The following LRRTM4 variants were observed in gnomAD, a reference collection of about 807,000 sequenced individuals.
LRRTM4 encodes the protein leucine rich repeat transmembrane neuronal 4, also known as leucine-rich repeat transmembrane neuronal protein 4.
Under a neutral mutation model 47.6 loss-of-function variants are expected in LRRTM4, and 25 were observed. The observed-to-expected ratio is 0.53, with a 90% CI of 0.38 to 0.73. The LOEUF (loss-of-function observed/expected upper bound fraction) is 0.73, where lower values mean the gene tolerates loss of function less well. LRRTM4 is among the 30% of genes least tolerant of loss of function. LRRTM4 has a pLI of 0.00. For synonymous variants in LRRTM4, 311 were observed against 269.5 expected, an observed-to-expected ratio of 1.15 and a Z score of -1.51; for missense variants, 638 against 713.4, an observed-to-expected ratio of 0.89 and a Z score of 1.20.
chr2:76,775,711 C>G (rs1482982560), intron 3 of LRRTM4, among the ~76,000 whole-genome samples: 7 of 151,870 alleles, frequency 4.6e-5, no homozygotes, highest in Non-Finnish European at 1.0e-4. Flanking sequence ...TTAGCCTATC[C>G]CTTCCTATGT....
At chr2:76,839,443 A>G (rs1410377493) in intron 3 of LRRTM4, among the ~76,000 whole-genome samples, 1 of 152,144 alleles carries the variant, frequency 6.6e-6, no homozygotes, top group African/African-American at 2.4e-5. Context: ...TCAATGCATT[A>G]CTTTTGCTAT....
At chr2:77,202,051 G>T (rs1447909760) in intron 3 of LRRTM4, among the ~76,000 whole-genome samples, 3 of 152,110 alleles carry the variant, frequency 2.0e-5, no homozygotes, top group Non-Finnish European at 4.4e-5. Flanking sequence ...CATTGTGCAG[G>T]TGCTCTCTGA....
intron 3 of LRRTM4, among the ~76,000 whole-genome samples, chr2:77,399,880 T>C (rs187107317): frequency 6.6e-6 from 1 of 151,986 alleles, no homozygotes; most frequent in East Asian, 1.9e-4. Flanking sequence ...CTTCGTTCAC[T>C]TAGAAGCAGT....
intron 3 of LRRTM4, among the ~76,000 whole-genome samples, chr2:77,122,689 A>T (rs887896695): frequency 6.6e-6 from 1 of 151,586 alleles, no homozygotes; most frequent in Non-Finnish European, 1.5e-5. Flanking sequence ...TTCACCATAA[A>T]TTTTTTTCCT....
At chr2:77,285,340 T>TATATATATATATATATATATATA (rs1676621332) in intron 3 of LRRTM4, among the ~76,000 whole-genome samples, 12 of 82,610 alleles carry the variant, frequency 1.5e-4, no homozygotes, top group Non-Finnish European at 2.1e-4. Context: ...AGCATTAAAT[T>TATATATATATATATATATATATA]TATATATATA....
chr2:76,970,452 G>A (rs1004288297), intron 3 of LRRTM4, among the ~76,000 whole-genome samples: 4 of 151,950 alleles, frequency 2.6e-5, no homozygotes, highest in African/African-American at 7.2e-5. Context: ...GTATTGATTC[G>A]TGTCCTTACT....
intron 3 of LRRTM4, among the ~76,000 whole-genome samples, chr2:77,389,291 T>A (rs1673410290): frequency 6.6e-6 from 1 of 152,076 alleles, no homozygotes; most frequent in African/African-American, 2.4e-5. Context: ...TGATTTTGTT[T>A]CAAAAAGAAA....
At chr2:77,213,982 C>G (rs533617827) in intron 3 of LRRTM4, among the ~76,000 whole-genome samples, 2 of 151,948 alleles carry the variant, frequency 1.3e-5, no homozygotes, top group South Asian at 4.2e-4. Flanking sequence ...AAAAAAAACA[C>G]TGTATCCTGA....
At chr2:76,885,410 T>C (rs1039548398) in intron 3 of LRRTM4, among the ~76,000 whole-genome samples, 1 of 151,670 alleles carries the variant, frequency 6.6e-6, no homozygotes, top group Non-Finnish European at 1.5e-5. Context: ...CCAAAATATA[T>C]GCAGGATTTG....
chr2:77,040,786 GTTTTA>G (rs1430941654), intron 3 of LRRTM4, among the ~76,000 whole-genome samples: 4 of 151,200 alleles, frequency 2.6e-5, no homozygotes, highest in Admixed American at 6.7e-5. Context: ...TCCATTTTAA[GTTTTA>G]TTTTGTTTTT....
intron 3 of LRRTM4, among the ~76,000 whole-genome samples, chr2:77,045,851 C>A (rs1679217139): frequency 6.6e-6 from 1 of 151,804 alleles, no homozygotes; most frequent in Non-Finnish European, 1.5e-5. Flanking sequence ...CATCTGATAT[C>A]CAGCCCATAA....
intron 3 of LRRTM4, among the ~76,000 whole-genome samples, chr2:76,997,045 G>T: frequency 6.6e-6 from 1 of 152,220 alleles, no homozygotes; most frequent in Non-Finnish European, 1.5e-5. Flanking sequence ...AAGTGATTTT[G>T]AGTATTTATG....
At chr2:77,097,702 T>C (rs554104782) in intron 3 of LRRTM4, among the ~76,000 whole-genome samples, 2 of 152,160 alleles carry the variant, frequency 1.3e-5, no homozygotes, top group South Asian at 2.1e-4. Flanking sequence ...AACTAAATTG[T>C]TAAAATCTGA....
chr2:77,063,001 C>A (rs1679839938), intron 3 of LRRTM4, among the ~76,000 whole-genome samples: 1 of 143,794 alleles, frequency 7.0e-6, no homozygotes, highest in African/African-American at 2.6e-5. Context: ...GTCGCCCAGG[C>A]TGGAGTGCAG....
intron 3 of LRRTM4, among the ~76,000 whole-genome samples, chr2:77,023,382 C>T (rs1678342304): frequency 6.6e-6 from 1 of 152,210 alleles, no homozygotes; most frequent in Non-Finnish European, 1.5e-5. Context: ...AACTAACATT[C>T]AGCACTGTGT....
chr2:77,248,919 T>C (rs1290532239), intron 3 of LRRTM4, among the ~76,000 whole-genome samples: 1 of 151,788 alleles, frequency 6.6e-6, no homozygotes, highest in East Asian at 1.9e-4. Flanking sequence ...AACCCAAATA[T>C]AAAAGAAAAA....
chr2:77,403,603 T>A (rs1674050782), intron 3 of LRRTM4, among the ~76,000 whole-genome samples: 1 of 151,916 alleles, frequency 6.6e-6, no homozygotes, highest in African/African-American at 2.4e-5. Context: ...AATAAATATT[T>A]AATGAATGTT....
chr2:77,123,461 T>C (rs1671572001), intron 3 of LRRTM4, among the ~76,000 whole-genome samples: 1 of 152,078 alleles, frequency 6.6e-6, no homozygotes, highest in Admixed American at 6.6e-5. Context: ...CCCATGTTTA[T>C]GTATTCAACT....
At chr2:76,955,617 T>C (rs994375985) in intron 3 of LRRTM4, among the ~76,000 whole-genome samples, 1 of 151,780 alleles carries the variant, frequency 6.6e-6, no homozygotes, top group African/African-American at 2.4e-5. Context: ...CAATTCCCAA[T>C]ACGATGCTAT....
Sources: gnomAD v4.1 joint callset for allele counts (sites outside exome capture counted in the v4.1 genomes callset) on GRCh38, gnomAD v4.1.1 for gene constraint, MANE v1.5 for transcripts, NCBI Gene and HGNC (gene_info 2026-07-23, HGNC 2026-07-21) for gene names.